Variants in LARGE1 observed in about 807,000 individuals in gnomAD.
The protein encoded by LARGE1 is xylosyl- and glucuronyltransferase LARGE1.
LARGE1 carries 43 observed loss-of-function variants against 87.6 expected under a neutral mutation model. That is an observed-to-expected ratio of 0.49 (90% CI 0.38 to 0.63). The LOEUF (loss-of-function observed/expected upper bound fraction) is 0.63. Among genes scored for constraint, LARGE1 ranks in the 30% least tolerant of loss-of-function variants. The probability of loss-of-function intolerance (pLI) is 0.00; values close to 1 mark genes in which losing one functional copy is unlikely to be tolerated. For synonymous variants in LARGE1, 434 were observed against 394.6 expected (o/e 1.10, Z -1.18); for missense variants, 802 against 1,000.2 (o/e 0.80, Z 2.67).
chr22:33,872,132 G>A (rs558987903), intron 1 of LARGE1, among the ~76,000 whole-genome samples: 3 of 151,974 alleles, frequency 2.0e-5, no homozygotes, highest in African/African-American at 7.2e-5. Context: ...CCAGTCACTC[G>A]CCCACCCACA....
chr22:33,643,089 T>G (rs1262789374), intron 3 of LARGE1, among the ~76,000 whole-genome samples: 1 of 152,124 alleles, frequency 6.6e-6, no homozygotes, highest in Admixed American at 6.5e-5. Context: ...ATCAACAGAA[T>G]ATACATTCTG....
chr22:33,685,271 C>T (rs1482769441), intron 2 of LARGE1, among the ~76,000 whole-genome samples: 1 of 152,168 alleles, frequency 6.6e-6, no homozygotes, highest in East Asian at 1.9e-4. Flanking sequence ...CCCAGCCATC[C>T]TGCCTGAAAT....
chr22:33,541,200 A>AT (rs1569252582), intron 6 of LARGE1, among the ~76,000 whole-genome samples: 16 of 46,434 alleles, frequency 3.4e-4, no homozygotes, highest in South Asian at 7.8e-4. Flanking sequence ...GGGGAAAAAA[A>AT]GAAAAAAAAA....
At chr22:33,467,501 G>A (rs1394520794) in intron 6 of LARGE1, among the ~76,000 whole-genome samples, 1 of 152,204 alleles carries the variant, frequency 6.6e-6, no homozygotes, top group African/African-American at 2.4e-5. Context: ...ATAGGTGAAG[G>A]ATTAACAGAA....
At chr22:33,670,027 C>T (rs1207042848) in intron 2 of LARGE1, among the ~76,000 whole-genome samples, 4 of 152,098 alleles carry the variant, frequency 2.6e-5, no homozygotes, top group Non-Finnish European at 5.9e-5. Flanking sequence ...CTGCAAGTCC[C>T]CAAGGTCAGG....
chr22:33,450,404 C>T (rs1022819470), intron 6 of LARGE1, among the ~76,000 whole-genome samples: 1 of 150,632 alleles, frequency 6.6e-6, no homozygotes, highest in Non-Finnish European at 1.5e-5. Flanking sequence ...GAGTTTGAGA[C>T]CAGCCTGGCC....
At chr22:33,818,606 T>A (rs143819088) in intron 1 of LARGE1, among the ~76,000 whole-genome samples, 1 of 152,262 alleles carries the variant, frequency 6.6e-6, no homozygotes, top group East Asian at 1.9e-4. Context: ...AACTTTTCCC[T>A]CCTGAATAAA....
intron 2 of LARGE1, among the ~76,000 whole-genome samples, chr22:33,759,483 G>C (rs1350891991): frequency 6.6e-6 from 1 of 152,110 alleles, no homozygotes; most frequent in Non-Finnish European, 1.5e-5. Context: ...CTGTAAAACA[G>C]GTGTATTAAA....
intron 11 of LARGE1, among the ~76,000 whole-genome samples, chr22:33,225,124 G>T (rs1272202209): frequency 6.6e-6 from 1 of 152,170 alleles, no homozygotes; most frequent in Non-Finnish European, 1.5e-5. Flanking sequence ...AGAAGACACT[G>T]CTTTTCCACA....
chr22:33,450,071 C>G (rs1459469069), intron 6 of LARGE1, among the ~76,000 whole-genome samples: 2 of 151,954 alleles, frequency 1.3e-5, no homozygotes, highest in African/African-American at 4.8e-5. Context: ...GCCACCACGC[C>G]CGGCTAATTT....
intron 12 of LARGE1, among the ~76,000 whole-genome samples, chr22:33,288,310 G>A (rs1931910410): frequency 6.6e-6 from 1 of 152,154 alleles, no homozygotes; most frequent in South Asian, 2.1e-4. Context: ...CAAAAACTGA[G>A]TTTCCCAGAG....
In LARGE1 at chr22:33,187,921, CAAAAAAAAAAAAAAAA is replaced by C. The variant is rs578115819; in HGVS notation, c.1731-21105_1731-21090del. ...TGGGCAACAGAGTGAGACTCCGTCT[CAAAAAAAAAAAAAAAA>C]AAAAAAAAAAAAAAAAAAAAAAATC... On this transcript the variant is annotated intron_variant, in intron 11 of 11. Coordinates refer to the LARGE1 transcript ENST00000608642. Among the ~76,000 whole-genome samples, 178 of 36,886 alleles carry C rather than the reference CAAAAAAAAAAAAAAAA, an allele frequency of 4.8e-3. 5 individuals carry two copies. Among genetic ancestry groups the C allele is most frequent in the African/African-American group, 8.2e-3 (108 of 13,198 alleles). 24.2% of individuals were successfully genotyped at this position (36,886 alleles called of 152,430 possible). A position where few individuals can be genotyped will look rare whatever the true frequency, so the allele number is the denominator to read the frequency against.
intron 1 of LARGE1, among the ~76,000 whole-genome samples, chr22:33,816,156 G>A (rs1263669422): frequency 2.0e-5 from 3 of 152,228 alleles, no homozygotes; most frequent in East Asian, 1.9e-4. Context: ...TGTGGGCTGC[G>A]GGCGAAGAAA....
intron 5 of LARGE1, among the ~76,000 whole-genome samples, chr22:33,579,024 G>A (rs1389108136): frequency 1.3e-5 from 2 of 152,204 alleles, no homozygotes; most frequent in Non-Finnish European, 2.9e-5. Flanking sequence ...AGGAAGGGAA[G>A]CTTGGAAACA....
chr22:33,698,997 AGTGAACGAATG>A (rs1378517224), intron 2 of LARGE1, among the ~76,000 whole-genome samples: 1 of 152,216 alleles, frequency 6.6e-6, no homozygotes, highest in Non-Finnish European at 1.5e-5. Context: ...ATCTTTCAAG[AGTGAACGAATG>A]CCTGCCTGCA....
intron 1 of LARGE1, among the ~76,000 whole-genome samples, chr22:33,919,674 C>T (rs1488812840): frequency 3.3e-5 from 5 of 152,268 alleles, no homozygotes; most frequent in Non-Finnish European, 5.9e-5. Flanking sequence ...CAGGTGCTCA[C>T]CGCTAACAAG....
intron 4 of LARGE1, among the ~76,000 whole-genome samples, chr22:33,620,266 C>T (rs1004532977): frequency 1.3e-5 from 2 of 152,244 alleles, no homozygotes; most frequent in Non-Finnish European, 2.9e-5. Context: ...GAAAGCAGAT[C>T]ATGCTAGCAA....
intron 2 of LARGE1, among the ~76,000 whole-genome samples, chr22:33,721,388 TTGAA>T (rs1279872234): frequency 6.6e-6 from 1 of 152,240 alleles, no homozygotes; most frequent in Non-Finnish European, 1.5e-5. Flanking sequence ...AGGTGAGAAT[TTGAA>T]TGTGCAAGTT....
intron 9 of LARGE1, among the ~76,000 whole-genome samples, chr22:33,372,441 G>GAGA (rs1569104197): frequency 6.6e-6 from 1 of 152,178 alleles, no homozygotes; most frequent in Non-Finnish European, 1.5e-5. Context: ...AGGTTTAAGG[G>GAGA]ACTCACAGTT....
Sources: allele counts gnomAD v4.1 joint callset (sites outside exome capture counted in the v4.1 genomes callset), GRCh38; gene constraint gnomAD v4.1.1; transcripts MANE v1.5; gene names NCBI Gene and HGNC (gene_info 2026-07-23, HGNC 2026-07-21).